The following IL7 variants were observed in gnomAD, a reference collection of about 807,000 sequenced individuals.
IL7 encodes the protein interleukin 7.
In IL7, 3 loss-of-function variants were observed where a neutral mutation model predicts 21.6. The ratio of observed to expected loss-of-function variants is 0.14; its 90% confidence interval spans 0.06 to 0.36. The LOEUF is 0.36. Among genes scored for constraint, IL7 ranks in the 10% least tolerant of loss-of-function variants. The probability of loss-of-function intolerance (pLI) is 1.00; values close to 1 mark genes in which losing one functional copy is unlikely to be tolerated. For missense variants in IL7, 175 were observed against 200.2 expected, an observed-to-expected ratio of 0.87 and a Z score of 0.76; for synonymous variants, 62 against 68.1, an observed-to-expected ratio of 0.91 and a Z score of 0.44.
At chr8:78,680,229 G>GA (rs1224388131) in intron 4 of IL7, among the ~76,000 whole-genome samples, 2 of 120,252 alleles carry the variant, frequency 1.7e-5, no homozygotes, top group Admixed American at 1.0e-4. Flanking sequence ...TTGAATTCTA[G>GA]AAAAAAGCAA....
chr8:78,714,623 A>C (rs1353397657), downstream of IL7, among the ~76,000 whole-genome samples: 1 of 152,142 alleles, frequency 6.6e-6, no homozygotes, highest in African/African-American at 2.4e-5. Context: ...TTTGATTCTT[A>C]AAGTTTCAAA....
chr8:78,702,124 A>G lies in IL7; in HGVS notation n.215-16177T>C, dbSNP rs138571938. Among the ~76,000 whole-genome samples the G allele has an allele frequency of 6.4e-3, 980 of 152,178 alleles. 12 individuals are homozygous for G. Among genetic ancestry groups the G allele is most frequent in the African/African-American group, 0.021 (889 of 41,516 alleles). The stretch of plus-strand genomic sequence containing the variant: ...CTGGGCTTTTTTCAATTGGTAAGCT[A>G]TTTATTACTGCCTCAGTTTCAGAAC... On this transcript the variant is annotated intron_variant and non_coding_transcript_variant, in intron 3 of 4. Transcript: ENST00000523959.
intron 3 of IL7, chr8:78,689,284 A>C: frequency 6.2e-7 from 1 of 1,602,246 alleles, no homozygotes; most frequent in Non-Finnish European, 8.5e-7. Context: ...TAGACATATA[A>C]ATTTCTGTAA....
downstream of IL7, among the ~76,000 whole-genome samples, chr8:78,731,089 T>C (rs1811416248): frequency 6.6e-6 from 1 of 152,032 alleles, no homozygotes; most frequent in Non-Finnish European, 1.5e-5. Context: ...AATATTTATA[T>C]GGCGTGGTAG....
intron 5 of IL7, among the ~76,000 whole-genome samples, chr8:78,734,676 G>A (rs1307176419): frequency 1.3e-5 from 2 of 152,080 alleles, no homozygotes; most frequent in Non-Finnish European, 2.9e-5. Flanking sequence ...GGATGTGCAA[G>A]CAATATAAAA....
intron 2 of IL7, chr8:78,760,533 A>G: frequency 6.5e-7 from 1 of 1,538,376 alleles, no homozygotes; most frequent in South Asian, 1.3e-5. Context: ...GGATTGGGTA[A>G]GTCACTTCTA....
intron 3 of IL7, among the ~76,000 whole-genome samples, chr8:78,739,775 G>A (rs1811717465): frequency 6.6e-6 from 1 of 151,342 alleles, no homozygotes; most frequent in African/African-American, 2.4e-5. Flanking sequence ...TATTTTCAAG[G>A]TAAAAAATAG....
intron 3 of IL7, among the ~76,000 whole-genome samples, chr8:78,705,117 C>T (rs1810730678): frequency 6.6e-6 from 1 of 152,224 alleles, no homozygotes; most frequent in Non-Finnish European, 1.5e-5. Flanking sequence ...GCTGTCTCAG[C>T]CTCAGCCTGA....
intron 2 of IL7, among the ~76,000 whole-genome samples, chr8:78,782,502 T>C (rs1813370847): frequency 6.6e-6 from 1 of 152,118 alleles, no homozygotes; most frequent in Non-Finnish European, 1.5e-5. Flanking sequence ...GGGGGTTCAC[T>C]CCAGACCCTA....
chr8:78,787,672 T>C (rs1404125422), intron 2 of IL7, among the ~76,000 whole-genome samples: 2 of 152,190 alleles, frequency 1.3e-5, no homozygotes, highest in Non-Finnish European at 2.9e-5. Flanking sequence ...GTTTTGCTTT[T>C]CATAGAGACT....
chr8:78,788,806 A>G (rs1209080209), intron 2 of IL7, among the ~76,000 whole-genome samples: 2 of 152,156 alleles, frequency 1.3e-5, no homozygotes, highest in Non-Finnish European at 2.9e-5. Flanking sequence ...GAATCTGTCA[A>G]TTACTGACAG....
chr8:78,791,856 T>C (rs1813706357), intron 2 of IL7, among the ~76,000 whole-genome samples: 1 of 152,148 alleles, frequency 6.6e-6, no homozygotes, highest in Admixed American at 6.6e-5. Context: ...TCACATGGTT[T>C]AGTAATTGCT....
At chr8:78,769,535 G>A (rs1041485723) in intron 2 of IL7, among the ~76,000 whole-genome samples, 34 of 152,180 alleles carry the variant, frequency 2.2e-4, no homozygotes, top group Admixed American at 5.2e-4. Context: ...AAATAAAAGA[G>A]GATACAAACA....
chr8:78,763,494 A>T (rs1812647687), intron 2 of IL7, among the ~76,000 whole-genome samples: 2 of 152,282 alleles, frequency 1.3e-5, no homozygotes, highest in Middle Eastern at 3.4e-3. Context: ...ATACAGAGAC[A>T]TCACTTTAGA....
chr8:78,761,715 T>A lies in IL7; in HGVS notation c.148-21633A>T, dbSNP rs2130764066. ...ATACAGCTCTCACAGATCTCTAGCA[T>A]CTGCCTCTGCTGTGTTTTTGAACAA... On this transcript the variant is annotated intron_variant, in intron 2 of 5. Coordinates refer to ENST00000263851, the MANE Select transcript of IL7 (RefSeq NM_000880.4). 4.3e-6 allele frequency: 7 copies of A among 1,611,922 alleles called. No individual in the cohort carries two copies. The East Asian group carries it at 1.6e-4, about 36-fold the overall frequency.
intron 3 of IL7, among the ~76,000 whole-genome samples, chr8:78,689,034 C>CT (rs5892662): frequency 0.68 from 99,495 of 146,108 alleles, 34,309 homozygotes; most frequent in East Asian, 0.9. Flanking sequence ...TACCAGCAGA[C>CT]TTTTTTTTTT....
At chr8:78,683,331 A>T (rs1038036207) in intron 4 of IL7, among the ~76,000 whole-genome samples, 6 of 152,224 alleles carry the variant, frequency 3.9e-5, no homozygotes, top group Non-Finnish European at 7.3e-5. Flanking sequence ...CTTCCTGGAC[A>T]TCCAGGTGTT....
intron 4 of IL7, among the ~76,000 whole-genome samples, chr8:78,685,251 AG>A (rs1212977518): frequency 2.6e-5 from 2 of 77,108 alleles, no homozygotes; most frequent in Non-Finnish European, 6.6e-5. Context: ...ACAACTGCAT[AG>A]CCATGTTAAA....
chr8:78,732,313 T>C (rs779349441), downstream of IL7, among the ~76,000 whole-genome samples: 33 of 152,156 alleles, frequency 2.2e-4, no homozygotes, highest in Non-Finnish European at 4.6e-4. Flanking sequence ...TATACAATTC[T>C]ATACAGCTAT....
Sources: allele counts gnomAD v4.1 joint callset (sites outside exome capture counted in the v4.1 genomes callset), GRCh38; gene constraint gnomAD v4.1.1; transcripts MANE v1.5; gene names NCBI Gene and HGNC (gene_info 2026-07-23, HGNC 2026-07-21).